Variants in NRG1 observed in about 807,000 individuals in gnomAD.
NRG1 encodes pro-neuregulin-1, membrane-bound isoform.
NRG1 carries 18 observed loss-of-function variants against 63.8 expected under a neutral mutation model. The ratio of observed to expected loss-of-function variants is 0.28; its 90% confidence interval spans 0.19 to 0.42. The LOEUF (loss-of-function observed/expected upper bound fraction) is 0.42. Among genes scored for constraint, NRG1 ranks in the 10% least tolerant of loss-of-function variants. NRG1 has a pLI of 1.00. For synonymous variants in NRG1, 302 were observed against 301.3 expected, an observed-to-expected ratio of 1.00 and a Z score of -0.02; for missense variants, 762 against 814.7, an observed-to-expected ratio of 0.94 and a Z score of 0.79.
chr8:32,115,365 A>AT (rs1328265498), intron 1 of NRG1, among the ~76,000 whole-genome samples: 3 of 152,120 alleles, frequency 2.0e-5, no homozygotes, highest in Non-Finnish European at 4.4e-5. Flanking sequence ...AATCTTACTG[A>AT]TAACAGTCTT....
chr8:31,926,976 C>T (rs1391524829), intron 1 of NRG1, among the ~76,000 whole-genome samples: 1 of 152,068 alleles, frequency 6.6e-6, no homozygotes, highest in East Asian at 1.9e-4. Context: ...ATGTTTCATA[C>T]TTGAGATTTA....
intron 1 of NRG1, among the ~76,000 whole-genome samples, chr8:32,130,517 C>A (rs958601580): frequency 2.0e-5 from 3 of 151,624 alleles, no homozygotes; most frequent in African/African-American, 7.3e-5. Flanking sequence ...CAGGCATTAC[C>A]CAAAAAGTCC....
At chr8:32,279,457 A>G (rs1483849015) in intron 1 of NRG1, among the ~76,000 whole-genome samples, 1 of 152,120 alleles carries the variant, frequency 6.6e-6, no homozygotes, top group Non-Finnish European at 1.5e-5. Flanking sequence ...GGTTCAAGCA[A>G]TTCTCCTGCC....
intron 1 of NRG1, among the ~76,000 whole-genome samples, chr8:31,698,953 G>A (rs1275012974): frequency 6.6e-6 from 1 of 152,156 alleles, no homozygotes; most frequent in African/African-American, 2.4e-5. Flanking sequence ...AACCTTGAAT[G>A]TCCTATAGTC....
chr8:31,798,740 G>A (rs1251858206), intron 1 of NRG1, among the ~76,000 whole-genome samples: 1 of 152,086 alleles, frequency 6.6e-6, no homozygotes, highest in African/African-American at 2.4e-5. Flanking sequence ...CAAAGTTAAT[G>A]TTTAAGAAAG....
chr8:31,889,896 A>G (rs556858598), intron 1 of NRG1, among the ~76,000 whole-genome samples: 3 of 152,214 alleles, frequency 2.0e-5, no homozygotes, highest in Non-Finnish European at 4.4e-5. Flanking sequence ...AAGTGGATCA[A>G]TCCATGCCAA....
At chr8:32,694,725 C>G (rs1343709147) in intron 5 of NRG1, among the ~76,000 whole-genome samples, 1 of 152,142 alleles carries the variant, frequency 6.6e-6, no homozygotes, top group Non-Finnish European at 1.5e-5. Context: ...CACACACAGC[C>G]TTGACACTGA....
intron 1 of NRG1, among the ~76,000 whole-genome samples, chr8:31,804,756 T>A (rs1004964183): frequency 6.6e-6 from 1 of 152,188 alleles, no homozygotes; most frequent in Non-Finnish European, 1.5e-5. Context: ...CACACCCACA[T>A]TGAAGATTAT....
chr8:31,866,074 G>T (rs925504436), intron 1 of NRG1, among the ~76,000 whole-genome samples: 3 of 152,092 alleles, frequency 2.0e-5, no homozygotes, highest in Admixed American at 1.3e-4. Context: ...CCTGCCTTTT[G>T]TCTACTTTTC....
intron 1 of NRG1, among the ~76,000 whole-genome samples, chr8:31,674,650 C>T (rs1239423220): frequency 1.3e-5 from 2 of 151,880 alleles, no homozygotes; most frequent in Non-Finnish European, 2.9e-5. Context: ...AGTATGAAGT[C>T]CCTAGTGATA....
chr8:32,325,614 A>G (rs1477077837), intron 1 of NRG1, among the ~76,000 whole-genome samples: 1 of 152,144 alleles, frequency 6.6e-6, no homozygotes, highest in Non-Finnish European at 1.5e-5. Flanking sequence ...CCTGGGCATA[A>G]GTGATTCTCC....
intron 1 of NRG1, among the ~76,000 whole-genome samples, chr8:32,045,103 A>G (rs1820799844): frequency 6.6e-6 from 1 of 151,790 alleles, no homozygotes; most frequent in African/African-American, 2.4e-5. Flanking sequence ...TAAAACACAC[A>G]ATATCAGAAA....
intron 1 of NRG1, among the ~76,000 whole-genome samples, chr8:32,408,600 T>TG (rs112716776): frequency 0.27 from 41,477 of 151,696 alleles, 5,952 homozygotes; most frequent in Middle Eastern, 0.33. Context: ...TGCAAAAAGA[T>TG]TGTGCATGAT....
At chr8:32,037,717 G>A (rs1005432115) in intron 1 of NRG1, among the ~76,000 whole-genome samples, 1 of 152,188 alleles carries the variant, frequency 6.6e-6, no homozygotes, top group African/African-American at 2.4e-5. Context: ...ACTGTCCACA[G>A]CTGCTGTGCT....
intron 5 of NRG1, among the ~76,000 whole-genome samples, chr8:32,642,697 T>C (rs1032122556): frequency 2.0e-5 from 3 of 152,244 alleles, no homozygotes; most frequent in Admixed American, 6.5e-5. Context: ...ATTTTTATTT[T>C]ATGTTAGATA....
chr8:32,458,728 G>C (rs1242560127), intron 1 of NRG1, among the ~76,000 whole-genome samples: 1 of 152,064 alleles, frequency 6.6e-6, no homozygotes, highest in Non-Finnish European at 1.5e-5. Flanking sequence ...AATGTTATTT[G>C]TGAGGTTCAG....
chr8:32,484,348 T>C (rs934869294), intron 1 of NRG1, among the ~76,000 whole-genome samples: 2 of 152,138 alleles, frequency 1.3e-5, no homozygotes, highest in African/African-American at 4.8e-5. Context: ...TTTGAATTAG[T>C]GTGATTTAAG....
chr8:31,919,400 T>C (rs896443086), intron 1 of NRG1, among the ~76,000 whole-genome samples: 98 of 151,820 alleles, frequency 6.5e-4, no homozygotes, highest in African/African-American at 2.4e-3. Flanking sequence ...TTTTTTTTTT[T>C]CATTTGTTCT....
Position 32,091,612 on chromosome 8 carries a change from T to A in NRG1, c.37+452181T>A, listed in dbSNP as rs148024486. On this transcript the variant is annotated intron_variant, in intron 1 of 10. Transcript: ENST00000519301. ...TGCTGTACCATATCCAAGGCCAGAG[T>A]GAATTTCAGGTGTCATGGGCTCTAC... is the stretch of plus-strand genomic sequence containing the variant. Among the ~76,000 whole-genome samples, 476 of 152,032 alleles carry A rather than the reference T, an allele frequency of 3.1e-3. 1 individual carries two copies. Among genetic ancestry groups the A allele is most frequent in the African/African-American group, 0.011 (459 of 41,478 alleles).
Sources: allele counts gnomAD v4.1 joint callset (sites outside exome capture counted in the v4.1 genomes callset), GRCh38; gene constraint gnomAD v4.1.1; transcripts MANE v1.5; gene names NCBI Gene and HGNC (gene_info 2026-07-23, HGNC 2026-07-21).